The following EPHA6 variants were observed in gnomAD, a reference collection of about 807,000 sequenced individuals.
The protein encoded by EPHA6 is ephrin type-A receptor 6.
EPHA6 carries 50 observed loss-of-function variants against 112.0 expected under a neutral mutation model. The observed-to-expected ratio is 0.45, with a 90% CI of 0.36 to 0.56. The LOEUF is 0.56. Among genes scored for constraint, EPHA6 ranks in the 20% least tolerant of loss-of-function variants. The pLI, the probability that EPHA6 is intolerant of heterozygous loss-of-function variation, is 0.00. For missense variants in EPHA6, 1,280 were observed against 1,417.4 expected, an observed-to-expected ratio of 0.90 and a Z score of 1.56; for synonymous variants, 529 against 490.7, an observed-to-expected ratio of 1.08 and a Z score of -1.03.
chr3:97,348,033 T>G (rs1230187704), intron 5 of EPHA6, among the ~76,000 whole-genome samples: 1 of 152,084 alleles, frequency 6.6e-6, no homozygotes, highest in Non-Finnish European at 1.5e-5. Context: ...TCCAACTTAT[T>G]TTTTTGGCAA....
chr3:97,348,540 T>C (rs1165339600), intron 5 of EPHA6, among the ~76,000 whole-genome samples: 1 of 151,974 alleles, frequency 6.6e-6, no homozygotes, highest in African/African-American at 2.4e-5. Context: ...GTTATTATTA[T>C]TTGAAAAAGT....
intron 14 of EPHA6, among the ~76,000 whole-genome samples, chr3:97,677,910 G>T (rs777113479): frequency 1.1e-4 from 16 of 152,124 alleles, no homozygotes; most frequent in Admixed American, 3.9e-4. Context: ...TTATTACACA[G>T]ATTATAATGT....
chr3:96,930,628 G>C (rs956472913), intron 2 of EPHA6, among the ~76,000 whole-genome samples: 1 of 152,098 alleles, frequency 6.6e-6, no homozygotes. Flanking sequence ...CATGCCTGTA[G>C]GAGGTGGCCG....
chr3:97,106,937 T>G (rs1340488661), intron 3 of EPHA6, among the ~76,000 whole-genome samples: 1 of 152,058 alleles, frequency 6.6e-6, no homozygotes, highest in Non-Finnish European at 1.5e-5. Context: ...ACTATTCAGG[T>G]GTCTGGGATC....
intron 1 of EPHA6, among the ~76,000 whole-genome samples, chr3:96,826,525 C>A (rs1330593837): frequency 6.6e-6 from 1 of 152,018 alleles, no homozygotes; most frequent in Admixed American, 6.6e-5. Flanking sequence ...CTGTTCAGTG[C>A]AGTTTCTCTC....
chr3:97,349,130 T>C (rs1020297442), intron 5 of EPHA6, among the ~76,000 whole-genome samples: 1 of 152,072 alleles, frequency 6.6e-6, no homozygotes, highest in Non-Finnish European at 1.5e-5. Flanking sequence ...ATTTATCTGG[T>C]ATCAATTTCC....
chr3:97,099,211 A>G (rs2047333411), intron 3 of EPHA6, among the ~76,000 whole-genome samples: 1 of 151,828 alleles, frequency 6.6e-6, no homozygotes, highest in Non-Finnish European at 1.5e-5. Flanking sequence ...TGAGGTATCT[A>G]TTTTCAGCAG....
At chr3:97,053,537 A>G (rs1458794207) in intron 3 of EPHA6, among the ~76,000 whole-genome samples, 2 of 152,104 alleles carry the variant, frequency 1.3e-5, no homozygotes, top group Admixed American at 6.6e-5. Flanking sequence ...GGTAAACTAT[A>G]GAGAGTAAGG....
Position 97,567,532 on chromosome 3 carries a change from C to T in EPHA6, c.2387-25080C>T, listed in dbSNP as rs2093283206. The stretch of plus-strand genomic sequence containing the variant: ...CCCCCAAAAGTTATGTTGATGTCCT[C>T]CCCAATACCCCAGAATATGACCAAT... On this transcript the variant is annotated intron_variant, in intron 11 of 17. Transcript: ENST00000389672. Among the ~76,000 whole-genome samples, 5 of 152,140 alleles carry T rather than the reference C, an allele frequency of 3.3e-5. No homozygotes were observed. In the South Asian group the frequency reaches 1.0e-3, roughly 31 times the overall value.
At chr3:96,858,271 A>G (rs1429322199) in intron 1 of EPHA6, among the ~76,000 whole-genome samples, 3 of 152,034 alleles carry the variant, frequency 2.0e-5, no homozygotes, top group African/African-American at 7.2e-5. Flanking sequence ...GTCTATTGAG[A>G]GCTAAGTTAG....
At chr3:97,712,556 A>G (rs892028717) in intron 14 of EPHA6, among the ~76,000 whole-genome samples, 1 of 152,172 alleles carries the variant, frequency 6.6e-6, no homozygotes, top group Non-Finnish European at 1.5e-5. Context: ...CCCACACTAA[A>G]GTAGCATTGT....
chr3:97,086,696 A>G (rs1326348564), intron 3 of EPHA6, among the ~76,000 whole-genome samples: 3 of 152,080 alleles, frequency 2.0e-5, no homozygotes, highest in African/African-American at 7.2e-5. Flanking sequence ...TGCACACCCT[A>G]AATGTTAAAA....
intron 1 of EPHA6, among the ~76,000 whole-genome samples, chr3:96,853,779 T>C (rs1263175347): frequency 6.6e-6 from 1 of 151,996 alleles, no homozygotes; most frequent in Non-Finnish European, 1.5e-5. Context: ...AGTTTATTAT[T>C]GTGGCTTTGT....
intron 2 of EPHA6, among the ~76,000 whole-genome samples, chr3:96,952,661 G>A (rs957061957): frequency 2.0e-5 from 3 of 152,144 alleles, no homozygotes; most frequent in Admixed American, 6.5e-5. Context: ...CTGTTACCCA[G>A]TGTTAACATT....
At chr3:97,033,597 G>T (rs2044963259) in intron 3 of EPHA6, among the ~76,000 whole-genome samples, 1 of 151,932 alleles carries the variant, frequency 6.6e-6, no homozygotes, top group African/African-American at 2.4e-5. Flanking sequence ...GTATTAGAAT[G>T]CTGAACATCC....
chr3:97,350,022 T>TTA, intron 5 of EPHA6, among the ~76,000 whole-genome samples: 2 of 152,028 alleles, frequency 1.3e-5, no homozygotes, highest in Non-Finnish European at 2.9e-5. Flanking sequence ...TTCTCACGAA[T>TTA]TAGATATGCC....
At chr3:96,832,644 T>C (rs1277654599) in intron 1 of EPHA6, among the ~76,000 whole-genome samples, 1 of 152,072 alleles carries the variant, frequency 6.6e-6, no homozygotes, top group African/African-American at 2.4e-5. Context: ...GTGCCCAATA[T>C]TGGTTTGGCT....
chr3:96,868,474 T>C (rs935507278), intron 2 of EPHA6, among the ~76,000 whole-genome samples: 8 of 152,022 alleles, frequency 5.3e-5, no homozygotes, highest in African/African-American at 1.4e-4. Context: ...CCAGAACCAT[T>C]AATCAGTTTA....
At chr3:97,405,034 T>C in intron 5 of EPHA6, 116 bp from the exon 6 acceptor site, 2 of 1,150,596 alleles carry the variant, frequency 1.7e-6, no homozygotes, top group Non-Finnish European at 2.4e-6. Context: ...CTGCCTTCAA[T>C]AAATGGTGTC....
Sources: gnomAD v4.1 joint callset for allele counts (sites outside exome capture counted in the v4.1 genomes callset) on GRCh38, gnomAD v4.1.1 for gene constraint, MANE v1.5 for transcripts, NCBI Gene and HGNC (gene_info 2026-07-23, HGNC 2026-07-21) for gene names.